EYS: variants seen among roughly 807,000 people sequenced by gnomAD.
EYS encodes protein eyes shut homolog.
A neutral mutation model predicts 282.1 loss-of-function variants in EYS; 250 were observed. The observed-to-expected ratio is 0.89, with a 90% CI of 0.80 to 0.98. The LOEUF (loss-of-function observed/expected upper bound fraction) is 0.98, where lower values mean the gene tolerates loss of function less well. Among genes scored for constraint, EYS ranks in the 50% least tolerant of loss-of-function variants. The pLI is 0.00. For synonymous variants in EYS, 1,355 were observed against 1,282.9 expected (o/e 1.06, Z -1.20); for missense variants, 4,016 against 3,709.0 (o/e 1.08, Z -2.15).
intron 35 of EYS, among the ~76,000 whole-genome samples, chr6:63,880,444 TC>T (rs1773097968): frequency 6.6e-6 from 1 of 151,898 alleles, no homozygotes; most frequent in Non-Finnish European, 1.5e-5. Flanking sequence ...TTAACAAACT[TC>T]CCATTATATC....
At chr6:65,097,802 T>TA (rs145088973) in intron 12 of EYS, among the ~76,000 whole-genome samples, 6,211 of 141,194 alleles carry the variant, frequency 0.044, 146 homozygotes, top group African/African-American at 0.061. Flanking sequence ...TAAAATAAAA[T>TA]AAAAAAAAAA....
intron 26 of EYS, among the ~76,000 whole-genome samples, chr6:64,480,760 C>G (rs1284114640): frequency 6.6e-6 from 1 of 151,770 alleles, no homozygotes; most frequent in African/African-American, 2.4e-5. Context: ...TTGTCGCTTA[C>G]ACAATCAACT....
Position 65,356,466 on chromosome 6 carries a change from C to A in EYS, c.1300-2849G>T, listed in dbSNP as rs558593489. Among the ~76,000 whole-genome samples the A allele has an allele frequency of 1.2e-4, 19 of 152,038 alleles. No homozygotes were observed. In the South Asian group the frequency reaches 3.5e-3, roughly 28 times the overall value. On this transcript the variant is annotated intron_variant, in intron 8 of 42. Transcript: ENST00000503581. ...ATGAGAGATGCCAGGAAAAATGACA[C>A]AAATAATATGAATCCCTGCTCACAG...
intron 15 of EYS, among the ~76,000 whole-genome samples, chr6:64,919,957 T>G (rs1768284881): frequency 6.6e-6 from 1 of 152,186 alleles, no homozygotes; most frequent in African/African-American, 2.4e-5. Flanking sequence ...GTAAATCTGA[T>G]GGAACTCATG....
At chr6:65,545,326 G>T (rs1433961982) in intron 2 of EYS, among the ~76,000 whole-genome samples, 1 of 151,970 alleles carries the variant, frequency 6.6e-6, no homozygotes, top group African/African-American at 2.4e-5. Flanking sequence ...TTGTGAATAG[G>T]TGCTTGGTTT....
At chr6:65,378,574 C>G (rs879053451) in intron 8 of EYS, among the ~76,000 whole-genome samples, 1 of 152,106 alleles carries the variant, frequency 6.6e-6, no homozygotes, top group Admixed American at 6.6e-5. Flanking sequence ...ACTATAAAGA[C>G]ACATGCACAC....
In EYS at chr6:65,264,756, A is replaced by G. The variant is rs142434649; in HGVS notation, c.2023+31107T>C. On this transcript the variant is annotated intron_variant, in intron 12 of 42. Coordinates refer to ENST00000503581, the MANE Select transcript of EYS (RefSeq NM_001142800.2). ...TATTGATAACAATGAAAGACTATTT[A>G]CTGAACTTATTGATGTAATTTTGCT... Among the ~76,000 whole-genome samples, 164 of 152,072 alleles carry G rather than the reference A, an allele frequency of 1.1e-3. 1 individual carries two copies. The highest frequency in any genetic ancestry group is 3.8e-3 in the African/African-American group (159 of 41,528).
intron 29 of EYS, among the ~76,000 whole-genome samples, chr6:64,374,117 T>C (rs1336832490): frequency 6.7e-6 from 1 of 148,286 alleles, no homozygotes; most frequent in Non-Finnish European, 1.5e-5. Context: ...GCTGGCCCAG[T>C]TCAGGGTGAA....
intron 13 of EYS, among the ~76,000 whole-genome samples, chr6:65,034,382 T>C (rs574894749): frequency 1.3e-5 from 2 of 152,124 alleles, no homozygotes; most frequent in Non-Finnish European, 2.9e-5. Context: ...TAGAATGATA[T>C]AGCATGGATA....
chr6:64,940,837 G>T (rs1031752420), intron 15 of EYS, among the ~76,000 whole-genome samples: 12 of 152,018 alleles, frequency 7.9e-5, no homozygotes, highest in Non-Finnish European at 1.8e-4. Context: ...AGAAACATTT[G>T]TGAAAAGTTT....
At chr6:63,763,505 G>A (rs1211483417) in intron 40 of EYS, among the ~76,000 whole-genome samples, 1 of 151,914 alleles carries the variant, frequency 6.6e-6, no homozygotes, top group African/African-American at 2.4e-5. Context: ...TGTGTTGTGG[G>A]AGGGACCAGG....
intron 13 of EYS, among the ~76,000 whole-genome samples, chr6:65,055,084 C>G (rs1277139930): frequency 6.6e-6 from 1 of 152,000 alleles, no homozygotes; most frequent in East Asian, 1.9e-4. Flanking sequence ...TGGGGTCAAC[C>G]AATCCTCCTG....
At chr6:64,794,036 T>C (rs983031099) in intron 22 of EYS, among the ~76,000 whole-genome samples, 16 of 152,184 alleles carry the variant, frequency 1.1e-4, no homozygotes, top group Non-Finnish European at 4.4e-5. Flanking sequence ...ACCATTCTAC[T>C]CTCTGTTTCT....
intron 12 of EYS, among the ~76,000 whole-genome samples, chr6:65,242,270 C>T (rs138901651): frequency 6.6e-6 from 1 of 152,078 alleles, no homozygotes; most frequent in East Asian, 1.9e-4. Context: ...GGAAAAGAAT[C>T]TATTAGCATT....
chr6:65,418,412 A>G (rs188807410), intron 5 of EYS, among the ~76,000 whole-genome samples: 3 of 152,090 alleles, frequency 2.0e-5, no homozygotes, highest in Non-Finnish European at 4.4e-5. Flanking sequence ...CTATAAGGAC[A>G]CATGCACACA....
intron 12 of EYS, among the ~76,000 whole-genome samples, chr6:65,120,460 CAAAAAAAAA>C (rs67505285): frequency 1.2e-4 from 8 of 68,264 alleles, no homozygotes; most frequent in South Asian, 4.9e-4. Flanking sequence ...TTTAAATAAG[CAAAAAAAAA>C]AAAAAAAAAA....
rs1768710170 is a variant in EYS, at chr6:64,931,152, T to C, written c.2381+14641A>G. On this transcript the variant is annotated intron_variant, in intron 15 of 42. Coordinates refer to ENST00000503581, the MANE Select transcript of EYS (RefSeq NM_001142800.2). ...ACTTAGGACACACAAATCAGCTAAATAGATTTGATATTCCATCAGACGTTC... is the reference window on the plus strand; with the variant it reads ...ACTTAGGACACACAAATCAGCTAAACAGATTTGATATTCCATCAGACGTTC... Among the ~76,000 whole-genome samples the C allele has an allele frequency of 2.6e-5, 4 of 152,110 alleles. No individual in the cohort carries two copies. In the South Asian group the frequency reaches 6.2e-4, roughly 24 times the overall value.
rs1345460401 is a variant in EYS, at chr6:65,353,491, G to C, written c.1426C>G (p.Gln476Glu). The C allele has an allele frequency of 6.2e-7, 1 of 1,613,106 alleles. No individual in the cohort carries two copies. The highest frequency in any genetic ancestry group is 1.7e-5 in the Admixed American group (1 of 59,954). ...CCCAATTGCCACACATATTCAAATT[G>C]AGCAGGACCTTTATCTTGGCAAATA... ...HGICQDKGPA[Q>E]FEYVWQLGFA... Residue 476 changes from glutamine (Q) to glutamate (E), a missense_variant, in exon 9 of 43, where the codon CAA becomes GAA. Physicochemically the swap from Gln to Glu is conservative, Grantham distance 29 (BLOSUM62 2). Transcript: ENST00000503581.
chr6:65,158,025 A>T (rs1764769079), intron 12 of EYS, among the ~76,000 whole-genome samples: 1 of 151,068 alleles, frequency 6.6e-6, no homozygotes, highest in East Asian at 2.0e-4. Context: ...CTTTTGTAAT[A>T]TCATACCAAC....
Sources: allele counts gnomAD v4.1 joint callset (sites outside exome capture counted in the v4.1 genomes callset), GRCh38; gene constraint gnomAD v4.1.1; transcripts MANE v1.5; gene names NCBI Gene and HGNC (gene_info 2026-07-23, HGNC 2026-07-21).